IL19: variants seen among roughly 807,000 people sequenced by gnomAD.
IL19 encodes interleukin-19.
A neutral mutation model predicts 19.5 loss-of-function variants in IL19; 15 were observed. That is an observed-to-expected ratio of 0.77 (90% confidence interval 0.52 to 1.19). The LOEUF is 1.19. Ranked by LOEUF, IL19 falls within the 50% of genes most tolerant of loss-of-function variation. The probability of loss-of-function intolerance (pLI) is 0.00; values close to 1 mark genes in which losing one functional copy is unlikely to be tolerated. For missense variants in IL19, 199 were observed against 213.1 expected (o/e 0.93, Z 0.41); for synonymous variants, 78 against 78.3 (o/e 1.00, Z 0.02).
At chr1:206,780,208 CT>C (rs1480027172) in intron 1 of IL19, among the ~76,000 whole-genome samples, 2 of 152,134 alleles carry the variant, frequency 1.3e-5, no homozygotes, top group African/African-American at 4.8e-5. Context: ...AGACATGTGG[CT>C]ATGTGATCAT....
chr1:206,788,631 C>A (rs574641653), intron 1 of IL19, among the ~76,000 whole-genome samples: 79 of 152,220 alleles, frequency 5.2e-4, no homozygotes, highest in Non-Finnish European at 9.7e-4. Flanking sequence ...TCATCCAGGC[C>A]TCTGACACCT....
chr1:206,797,966 C>G (rs1675566007), intron 1 of IL19, among the ~76,000 whole-genome samples: 1 of 152,200 alleles, frequency 6.6e-6, no homozygotes, highest in Non-Finnish European at 1.5e-5. Context: ...TAGCTAGTGG[C>G]AGAGCCGTGA....
chr1:206,812,100 G>A (rs1187097634), intron 2 of IL19, among the ~76,000 whole-genome samples: 35 of 152,222 alleles, frequency 2.3e-4, no homozygotes, highest in Admixed American at 2.3e-3. Flanking sequence ...TATGGTACCA[G>A]TTGGGAGATT....
At chr1:206,776,585 TGA>T (rs1336162601) in intron 1 of IL19, among the ~76,000 whole-genome samples, 4 of 152,026 alleles carry the variant, frequency 2.6e-5, no homozygotes, top group African/African-American at 7.3e-5. Flanking sequence ...GAGCGGGGAC[TGA>T]GAGACAGGAC....
chr1:206,773,250 C>T (rs1429995941), intron 1 of IL19, among the ~76,000 whole-genome samples: 1 of 152,070 alleles, frequency 6.6e-6, no homozygotes, highest in East Asian at 1.9e-4. Flanking sequence ...TGACCCCTAC[C>T]GTCTCTATTT....
chr1:206,805,723 A>G (rs1675830248), intron 2 of IL19, among the ~76,000 whole-genome samples: 1 of 152,258 alleles, frequency 6.6e-6, no homozygotes, highest in Admixed American at 6.5e-5. Flanking sequence ...CCTACACATA[A>G]CAGGAGTTCC....
In IL19 at chr1:206,842,614, T is replaced by C. The variant is rs370571915; in HGVS notation, c.526T>C (p.Ser176Pro). ...WINKNHEVMF[S>P]A Reference sequence around the variant, plus strand: ...TAATAAGAATCATGAAGTAATGTTCTCAGCTTGATGACAAGGAACCTGTAT... The same window carrying C: ...TAATAAGAATCATGAAGTAATGTTCCCAGCTTGATGACAAGGAACCTGTAT... The change falls in exon 7 of 7, where the codon TCA becomes CCA. Residue 176 changes from serine to proline, a missense_variant. By Grantham distance (74) the Ser-to-Pro change is moderately conservative. Coordinates refer to ENST00000659997, the MANE Select transcript of IL19 (RefSeq NM_153758.5). The C allele has an allele frequency of 4.5e-6, 7 of 1,545,568 alleles. No homozygotes were observed. The highest frequency in any genetic ancestry group is 6.2e-6 in the Non-Finnish European group (7 of 1,135,782).
chr1:206,842,709 A>T lies in IL19; in HGVS notation c.*87A>T. ...ACAGCCCACCTTGAAGGGGAAGGAGATGGGGAAGGCCCCTTGCAGCTGAAA... is the reference window on the plus strand; with the variant it reads ...ACAGCCCACCTTGAAGGGGAAGGAGTTGGGGAAGGCCCCTTGCAGCTGAAA... On this transcript the variant is annotated 3_prime_UTR_variant, in exon 7 of 7. Transcript: ENST00000659997. The T allele has an allele frequency of 1.3e-6, 1 of 782,774 alleles. No homozygotes were observed. 48.5% of individuals were successfully genotyped at this position (782,774 alleles called of 1,614,324 possible). A position where few individuals can be genotyped will look rare whatever the true frequency, so the allele number is the denominator to read the frequency against.
chr1:206,771,065 G>T lies in IL19; in HGVS notation c.-162G>T. The T allele has an allele frequency of 1.2e-6, 2 of 1,613,986 alleles. No individual in the cohort carries two copies. Among genetic ancestry groups the T allele is most frequent in the Non-Finnish European group, 8.5e-7 (1 of 1,179,922 alleles). On this transcript the variant is annotated 5_prime_UTR_variant, in exon 1 of 7. Coordinates refer to ENST00000659997, the MANE Select transcript of IL19 (RefSeq NM_153758.5). ...GCTTGGCAACCCAGGTAACCCTAAG[G>T]GCAGGAGCCAAAGGTGAGTGAGAGA...
chr1:206,816,061 C>A (rs780771880), intron 2 of IL19, among the ~76,000 whole-genome samples: 4 of 151,568 alleles, frequency 2.6e-5, no homozygotes, highest in African/African-American at 7.3e-5. Context: ...AACAAAAAAA[C>A]CTGCCAGCCT....
chr1:206,781,819 C>T lies in IL19; in HGVS notation c.-149+10741C>T, dbSNP rs141056409. 4.2e-3 allele frequency among the ~76,000 whole-genome samples: 627 copies of T among 147,538 alleles called. 8 individuals are homozygous for T. The highest frequency in any genetic ancestry group is 0.015 in the African/African-American group (609 of 39,444). On this transcript the variant is annotated intron_variant, in intron 1 of 6. Transcript: ENST00000659997. The stretch of plus-strand genomic sequence containing the variant: ...ACATCTTCAAAGTTATAGAGGACCC[C>T]CAAAGAGCTTTCACTTATGTGGGTT...
chr1:206,841,333 G>T (rs183425187), intron 6 of IL19, among the ~76,000 whole-genome samples: 1 of 152,198 alleles, frequency 6.6e-6, no homozygotes, highest in East Asian at 1.9e-4. Context: ...TGTATGATTT[G>T]GGGAAAGCAC....
Position 206,841,055 on chromosome 1 carries a change from GTCA to G in IL19, c.418_420del (p.Ile140del). 6 of 1,614,114 alleles carry G rather than the reference GTCA, an allele frequency of 3.7e-6. No homozygotes were observed. The highest frequency in any genetic ancestry group is 5.1e-6 in the Non-Finnish European group (6 of 1,179,938). On this transcript the variant is annotated inframe_deletion, in exon 6 of 7. Transcript: ENST00000659997. ...GCAGGAAGCCACCAATGCCACCAGA[GTCA>G]TCCATGACAACTATGATCAGGTAAG...
At chr1:206,816,367 A>G (rs1484644094) in intron 2 of IL19, among the ~76,000 whole-genome samples, 4 of 152,206 alleles carry the variant, frequency 2.6e-5, no homozygotes, top group East Asian at 3.8e-4. Flanking sequence ...GTATGAAAAT[A>G]ATAGCATAAA....
intron 1 of IL19, among the ~76,000 whole-genome samples, chr1:206,776,477 G>T (rs1457576554): frequency 2.0e-5 from 3 of 151,658 alleles, no homozygotes; most frequent in Non-Finnish European, 4.4e-5. Context: ...GATTTTGGAG[G>T]GTGCATTCTA....
At chr1:206,772,536 G>T in intron 1 of IL19, 1 of 1,107,536 alleles carries the variant, frequency 9.0e-7, no homozygotes, top group East Asian at 2.4e-5. Context: ...TGTAAGCTCA[G>T]GGAGGCCTCT....
intron 2 of IL19, among the ~76,000 whole-genome samples, chr1:206,830,548 A>G (rs1481039826): frequency 1.3e-5 from 2 of 149,576 alleles, no homozygotes; most frequent in African/African-American, 2.5e-5. Context: ...TAGCTTCCCA[A>G]ATAAAATACC....
At chr1:206,838,726 CTTCCCTTCCT>C (rs1676885375) in intron 4 of IL19, among the ~76,000 whole-genome samples, 4 of 146,700 alleles carry the variant, frequency 2.7e-5, no homozygotes, top group Admixed American at 7.0e-5. Context: ...ATTCAGGTTC[CTTCCCTTCCT>C]TTCCCTTCCC....
chr1:206,841,038 C>G lies in IL19; in HGVS notation c.398C>G (p.Ala133Gly). Residue 133 changes from alanine (A) to glycine (G), a missense_variant, in exon 6 of 7, where the codon GCC (alanine) becomes GGC (glycine). Coordinates refer to ENST00000659997, the MANE Select transcript of IL19 (RefSeq NM_153758.5). ...EQRQCHCRQEATNATRVIHDN... is the reference protein window; with the variant it reads ...EQRQCHCRQEGTNATRVIHDN... ...AGGCAGTGTCACTGCAGGCAGGAAG[C>G]CACCAATGCCACCAGAGTCATCCAT... 1.2e-6 allele frequency: 2 copies of G among 1,614,088 alleles called. No individual in the cohort carries two copies. The highest frequency in any genetic ancestry group is 1.7e-6 in the Non-Finnish European group (2 of 1,179,934).
Sources: gnomAD v4.1 joint callset for allele counts (sites outside exome capture counted in the v4.1 genomes callset) on GRCh38, gnomAD v4.1.1 for gene constraint, MANE v1.5 for transcripts, NCBI Gene and HGNC (gene_info 2026-07-23, HGNC 2026-07-21) for gene names.